The following BZW2 variants were observed in gnomAD, a reference collection of about 807,000 sequenced individuals.
BZW2 encodes basic leucine zipper and W2 domains 2, also known as eIF5-mimic protein 1.
A neutral mutation model predicts 53.2 loss-of-function variants in BZW2; 23 were observed. The ratio of observed to expected loss-of-function variants is 0.43; its 90% CI spans 0.31 to 0.61. BZW2 has a LOEUF of 0.61. Among genes scored for constraint, BZW2 ranks in the 20% least tolerant of loss-of-function variants. BZW2 has a pLI of 0.09. For missense variants in BZW2, 409 were observed against 503.1 expected, an observed-to-expected ratio of 0.81 and a Z score of 1.79; for synonymous variants, 227 against 186.4, an observed-to-expected ratio of 1.22 and a Z score of -1.77.
intron 1 of BZW2, among the ~76,000 whole-genome samples, 165 bp from the exon 2 acceptor site, chr7:16,665,272 C>G (rs1583709233): frequency 6.6e-6 from 1 of 151,690 alleles, no homozygotes; most frequent in Non-Finnish European, 1.5e-5. Context: ...CACCACTGCA[C>G]TCCCACCTGG....
chr7:16,665,591 G>C, intron 2 of BZW2, 90 bp downstream of exon 2: 1 of 1,550,688 alleles, frequency 6.4e-7, no homozygotes, highest in South Asian at 1.2e-5. Context: ...GTTTCCCCCA[G>C]CCTCACTGAT....
intron 2 of BZW2, among the ~76,000 whole-genome samples, chr7:16,672,173 G>A (rs906975979): frequency 6.6e-6 from 1 of 152,046 alleles, no homozygotes; most frequent in Non-Finnish European, 1.5e-5. Context: ...TTCAGTCTTT[G>A]TGCTGGGTTC....
chr7:16,646,461 G>A (rs1426975707), intron 1 of BZW2, among the ~76,000 whole-genome samples, 173 bp downstream of exon 1: 1 of 152,144 alleles, frequency 6.6e-6, no homozygotes, highest in African/African-American at 2.4e-5. Context: ...TCATCACGGC[G>A]CGTACGGGGT....
intron 1 of BZW2, among the ~76,000 whole-genome samples, chr7:16,656,613 C>G (rs1782132721): frequency 1.3e-5 from 2 of 149,868 alleles, no homozygotes; most frequent in African/African-American, 5.0e-5. Context: ...GTTTAGCATA[C>G]ATTGATTACT....
chr7:16,665,353 A>G, intron 1 of BZW2, 84 bp from the exon 2 acceptor site: 2 of 1,517,222 alleles, frequency 1.3e-6, no homozygotes, highest in East Asian at 2.3e-5. Flanking sequence ...GGTTGAACAT[A>G]TGTTCAACCA....
In BZW2 at chr7:16,695,409, C is replaced by T. The variant is rs1289415597; in HGVS notation, c.822+405C>T. 9.3e-4 allele frequency among the ~76,000 whole-genome samples: 141 copies of T among 152,280 alleles called. 3 individuals are homozygous for T. The highest frequency in any genetic ancestry group is 9.2e-3 in the Admixed American group (140 of 15,290). On this transcript the variant is annotated intron_variant, in intron 8 of 11. Transcript: ENST00000258761. ...AATTAACACTGGATTTTTTGTTCAT[C>T]ACTCTGTATGAATATGTAACAGGCT...
chr7:16,648,032 A>G (rs562349329), intron 1 of BZW2, among the ~76,000 whole-genome samples: 3 of 152,234 alleles, frequency 2.0e-5, no homozygotes, highest in Non-Finnish European at 4.4e-5. Flanking sequence ...ATTTAGAGAC[A>G]ATAACGTTGA....
intron 9 of BZW2, among the ~76,000 whole-genome samples, chr7:16,697,278 A>T (rs1783528539): frequency 6.6e-6 from 1 of 152,026 alleles, no homozygotes; most frequent in Non-Finnish European, 1.5e-5. Flanking sequence ...TTTGGTAGAG[A>T]TGTAGTCTCG....
intron 6 of BZW2, among the ~76,000 whole-genome samples, chr7:16,688,270 A>G (rs1387924559): frequency 2.0e-5 from 3 of 152,246 alleles, no homozygotes; most frequent in South Asian, 2.1e-4. Flanking sequence ...GTTATCATTC[A>G]TAGCATTAAC....
intron 1 of BZW2, among the ~76,000 whole-genome samples, chr7:16,649,013 A>T (rs577447124): frequency 1.1e-4 from 16 of 152,320 alleles, no homozygotes; most frequent in African/African-American, 3.6e-4. Context: ...ATTGATATGC[A>T]ACATGGCTAC....
chr7:16,651,432 A>G (rs1781981169), intron 1 of BZW2, among the ~76,000 whole-genome samples: 1 of 152,246 alleles, frequency 6.6e-6, no homozygotes, highest in Admixed American at 6.5e-5. Flanking sequence ...GAAGACTTTA[A>G]TGGTTTTCAA....
intron 10 of BZW2, among the ~76,000 whole-genome samples, chr7:16,702,550 A>G (rs1242818725): frequency 6.6e-6 from 1 of 152,182 alleles, no homozygotes; most frequent in Admixed American, 6.6e-5. Flanking sequence ...GGTTTTACCT[A>G]TCATTTAGTG....
At chr7:16,662,174 C>T (rs1782286021) in intron 1 of BZW2, 1 of 152,060 alleles carries the variant, frequency 6.6e-6, no homozygotes, top group Non-Finnish European at 1.5e-5. Context: ...GAAGTGGGGC[C>T]TCTGCTCCAA....
chr7:16,677,096 A>T (rs1782788940), intron 3 of BZW2, among the ~76,000 whole-genome samples: 1 of 150,984 alleles, frequency 6.6e-6, no homozygotes, highest in African/African-American at 2.4e-5. Flanking sequence ...ATGGAGTGAA[A>T]ACAGAGCTCC....
In BZW2 at chr7:16,674,561, G is replaced by C; in HGVS notation, c.208G>C (p.Asp70His). 6.2e-7 allele frequency: 1 copy of C among 1,604,898 alleles called. No individual in the cohort carries two copies. The highest frequency in any genetic ancestry group is 1.3e-5 in the African/African-American group (1 of 74,820). Residue 70 changes from aspartate (D) to histidine (H), a missense_variant, in exon 3 of 12, where the codon GAT (aspartate) becomes CAT (histidine). Around this residue, in one of 3 missense-constraint regions of BZW2, gnomAD observed 316 missense variants for 366.8 expected, o/e 0.86. Coordinates refer to ENST00000258761, the MANE Select transcript of BZW2 (RefSeq NM_014038.3). ...DYRRYADTLFDILVAGSMLAP... is the reference protein window; with the variant it reads ...DYRRYADTLFHILVAGSMLAP... ...TCGTCGCTATGCAGACACACTCTTC[G>C]ATATCCTGGTGGCTGGCAGTATGCT...
intron 1 of BZW2, 150 bp downstream of exon 1, chr7:16,646,438 C>T (rs558062560): frequency 6.2e-6 from 1 of 161,002 alleles, no homozygotes; most frequent in East Asian, 1.9e-4. Context: ...GGAGAAGCCC[C>T]CGCTCCACCT....
chr7:16,697,981 G>A, intron 9 of BZW2, 67 bp from the exon 10 acceptor site: 4 of 1,582,660 alleles, frequency 2.5e-6, no homozygotes, highest in Non-Finnish European at 2.6e-6. Flanking sequence ...TACTGTTATA[G>A]TTCCAGCAGT....
rs932562980 is a variant in BZW2, at chr7:16,692,795, G to C, written c.652-2039G>C. On this transcript the variant is annotated intron_variant, in intron 7 of 11. Transcript: ENST00000258761. The stretch of plus-strand genomic sequence containing the variant: ...AAACAAAACAAAATTAAGTAGGAAA[G>C]AGTTAAAGAGCTTCCAAATGTGGGC... Among the ~76,000 whole-genome samples the C allele has an allele frequency of 1.1e-4, 17 of 152,132 alleles. 1 individual carries two copies. Among genetic ancestry groups the C allele is most frequent in the Non-Finnish European group, 2.5e-4 (17 of 68,008 alleles).
chr7:16,649,971 T>C (rs1010903232), intron 1 of BZW2, among the ~76,000 whole-genome samples: 1 of 152,232 alleles, frequency 6.6e-6, no homozygotes, highest in Non-Finnish European at 1.5e-5. Flanking sequence ...AATGAAGTTT[T>C]TAAAAAGAAA....
Sources: allele counts gnomAD v4.1 joint callset (sites outside exome capture counted in the v4.1 genomes callset), GRCh38; gene constraint gnomAD v4.1.1; regional missense constraint gnomAD v4.1.1; transcripts MANE v1.5; gene names NCBI Gene and HGNC (gene_info 2026-07-23, HGNC 2026-07-21).